SLIT2: variants seen among roughly 807,000 people sequenced by gnomAD.
SLIT2 encodes slit homolog 2 protein.
Under a neutral mutation model 185.7 loss-of-function variants are expected in SLIT2, and 41 were observed. That is an observed-to-expected ratio of 0.22 (90% confidence interval 0.17 to 0.29). SLIT2 has a LOEUF of 0.29. SLIT2 is among the 10% of genes least tolerant of loss of function. SLIT2 has a pLI of 1.00. For synonymous variants in SLIT2, 693 were observed against 680.2 expected (o/e 1.02, Z -0.29); for missense variants, 1,571 against 1,909.0 (o/e 0.82, Z 3.30).
At chr4:20,283,049 A>G (rs985167998) in intron 4 of SLIT2, among the ~76,000 whole-genome samples, 1 of 152,114 alleles carries the variant, frequency 6.6e-6, no homozygotes, top group Non-Finnish European at 1.5e-5. Flanking sequence ...AATTTCATTA[A>G]CTTAGCACCA....
At chr4:20,465,320 T>C (rs974828159) in intron 4 of SLIT2, among the ~76,000 whole-genome samples, 3 of 152,236 alleles carry the variant, frequency 2.0e-5, no homozygotes, top group Admixed American at 6.5e-5. Context: ...GTATCTATTT[T>C]ACAAGGTGGT....
chr4:20,453,081 G>T (rs968736623), intron 4 of SLIT2, among the ~76,000 whole-genome samples: 8 of 152,196 alleles, frequency 5.3e-5, no homozygotes, highest in African/African-American at 1.4e-4. Context: ...TGTGCATTTT[G>T]TGGAAAGATT....
intron 4 of SLIT2, among the ~76,000 whole-genome samples, chr4:20,380,679 AAGTT>A (rs990596353): frequency 1.6e-4 from 24 of 152,022 alleles, no homozygotes; most frequent in African/African-American, 5.6e-4. Context: ...TAAGAAGAAA[AAGTT>A]AGTGACTTGA....
chr4:20,403,134 G>T (rs1204613444), intron 4 of SLIT2, among the ~76,000 whole-genome samples: 4 of 151,790 alleles, frequency 2.6e-5, no homozygotes, highest in Non-Finnish European at 5.9e-5. Flanking sequence ...AAAATGGAAA[G>T]AAATCATATT....
chr4:20,321,618 T>C (rs1719094705), intron 4 of SLIT2, among the ~76,000 whole-genome samples: 1 of 152,314 alleles, frequency 6.6e-6, no homozygotes, highest in African/African-American at 2.4e-5. Context: ...TACTGTGTAA[T>C]ACTGGTTCAC....
At chr4:20,269,001 A>C (rs2109028729) in intron 4 of SLIT2, 120 bp downstream of exon 4, 1 of 668,670 alleles carries the variant, frequency 1.5e-6, no homozygotes, top group South Asian at 1.8e-5. Context: ...TAATGGATTA[A>C]AAGTTTGTGT....
chr4:20,344,198 T>A (rs1721197039), intron 4 of SLIT2, among the ~76,000 whole-genome samples: 1 of 152,130 alleles, frequency 6.6e-6, no homozygotes, highest in East Asian at 1.9e-4. Context: ...AATGTGGTGT[T>A]TTTGCTACCG....
chr4:20,285,029 A>G (rs1183063650), intron 4 of SLIT2, among the ~76,000 whole-genome samples: 3 of 152,144 alleles, frequency 2.0e-5, no homozygotes. Flanking sequence ...GTGTTTGGTC[A>G]CTGTATTACA....
intron 9 of SLIT2, among the ~76,000 whole-genome samples, chr4:20,499,814 A>G (rs1718553193): frequency 6.6e-6 from 1 of 152,194 alleles, no homozygotes; most frequent in African/African-American, 2.4e-5. Context: ...ATGTAAAGAT[A>G]TGCAAGTTAG....
intron 4 of SLIT2, among the ~76,000 whole-genome samples, chr4:20,445,809 C>T (rs1242741489): frequency 6.6e-6 from 1 of 152,158 alleles, no homozygotes; most frequent in Non-Finnish European, 1.5e-5. Context: ...TTACCAATTA[C>T]TACCTCTGCA....
intron 8 of SLIT2, 76 bp from the exon 9 acceptor site, chr4:20,491,685 C>T (rs1717792412): frequency 7.9e-7 from 1 of 1,259,502 alleles, no homozygotes; most frequent in African/African-American, 1.5e-5. Context: ...TGCTTTGTTA[C>T]TTGAGCTAAG....
chr4:20,531,882 C>T, intron 16 of SLIT2, 102 bp from the exon 17 acceptor site: 1 of 615,188 alleles, frequency 1.6e-6, no homozygotes, highest in Non-Finnish European at 2.8e-6. Flanking sequence ...TTTTATTTTC[C>T]TGGTATCATT....
intron 4 of SLIT2, among the ~76,000 whole-genome samples, chr4:20,331,386 AAC>A (rs1720055412): frequency 6.6e-6 from 1 of 152,164 alleles, no homozygotes; most frequent in Non-Finnish European, 1.5e-5. Context: ...AAACTAGTGC[AAC>A]AGTCTATAAG....
chr4:20,457,547 G>A (rs1713214228), intron 4 of SLIT2, among the ~76,000 whole-genome samples: 1 of 151,888 alleles, frequency 6.6e-6, no homozygotes, highest in African/African-American at 2.4e-5. Flanking sequence ...CTTTTTTGAT[G>A]ATCATCTGCT....
At chr4:20,525,816 A>C (rs1721236653) in intron 15 of SLIT2, among the ~76,000 whole-genome samples, 1 of 152,156 alleles carries the variant, frequency 6.6e-6, no homozygotes, top group Admixed American at 6.5e-5. Context: ...TGTGATGTGA[A>C]AGCATCAGAA....
chr4:20,388,348 CAAAT>C (rs1725097078), intron 4 of SLIT2, among the ~76,000 whole-genome samples: 1 of 152,020 alleles, frequency 6.6e-6, no homozygotes, highest in Non-Finnish European at 1.5e-5. Context: ...GCAAAACTCA[CAAAT>C]AAGAGCAAAT....
At chr4:20,545,596 A>T (rs1157089374) in intron 21 of SLIT2, among the ~76,000 whole-genome samples, 1 of 152,134 alleles carries the variant, frequency 6.6e-6, no homozygotes, top group East Asian at 1.9e-4. Context: ...ATCCGCAAAT[A>T]TGCCTTTAAT....
chr4:20,472,523 T>G (rs1370215267), intron 5 of SLIT2, among the ~76,000 whole-genome samples: 26 of 20,242 alleles, frequency 1.3e-3, no homozygotes, highest in East Asian at 9.4e-3. Context: ...TAGATATATA[T>G]CTATATATAG....
At chr4:20,539,927 G>C (rs1722657020) in intron 19 of SLIT2, among the ~76,000 whole-genome samples, 1 of 152,100 alleles carries the variant, frequency 6.6e-6, no homozygotes, top group Admixed American at 6.6e-5. Flanking sequence ...TCACATTGGA[G>C]TATTTTCAGT....
Sources: allele counts gnomAD v4.1 joint callset (sites outside exome capture counted in the v4.1 genomes callset), GRCh38; gene constraint gnomAD v4.1.1; transcripts MANE v1.5; gene names NCBI Gene and HGNC (gene_info 2026-07-23, HGNC 2026-07-21).